Variants in CDC16 observed in about 807,000 individuals in gnomAD.
CDC16 encodes the protein cell division cycle protein 16 homolog.
CDC16 carries 34 observed loss-of-function variants against 87.0 expected under a neutral mutation model. The observed-to-expected ratio is 0.39, with a 90% confidence interval of 0.30 to 0.52. The LOEUF is 0.52. CDC16 is among the 20% of genes least tolerant of loss of function. The pLI is 0.74. For synonymous variants in CDC16, 263 were observed against 260.6 expected, an observed-to-expected ratio of 1.01 and a Z score of -0.09; for missense variants, 653 against 751.9, an observed-to-expected ratio of 0.87 and a Z score of 1.54.
intron 14 of CDC16, 34 bp downstream of exon 14, chr13:114,259,432 T>C (rs766801219): frequency 2.4e-6 from 3 of 1,227,388 alleles, no homozygotes; most frequent in East Asian, 2.6e-5. Context: ...TATACACATA[T>C]ACACCCCTGA....
At chr13:114,250,810 G>C in intron 12 of CDC16, 136 bp downstream of exon 12, 3 of 858,008 alleles carry the variant, frequency 3.5e-6, no homozygotes, top group Non-Finnish European at 5.3e-6. Flanking sequence ...CTAGTTGCTT[G>C]TGATTGTAAA....
In CDC16 at chr13:114,253,315, A is replaced by G. The variant is rs140721534; in HGVS notation, c.1097+2641A>G. On this transcript the variant is annotated intron_variant, in intron 12 of 17. Transcript: ENST00000356221. ...CTTCCACATATTTAAGAATTTCCCA[A>G]ATTTTCTTCTTTTGTTGTTTTTTAA... 3.3e-4 allele frequency among the ~76,000 whole-genome samples: 50 copies of G among 152,236 alleles called. No individual in the cohort carries two copies. The East Asian group carries it at 9.3e-3, about 28-fold the overall frequency.
intron 12 of CDC16, among the ~76,000 whole-genome samples, chr13:114,255,683 C>G (rs2082454741): frequency 6.6e-6 from 1 of 152,196 alleles, no homozygotes; most frequent in South Asian, 2.1e-4. Context: ...CACTCTCTTG[C>G]CCAGGCTGGA....
At chr13:114,250,761 T>G in intron 12 of CDC16, 87 bp downstream of exon 12, 1 of 1,317,224 alleles carries the variant, frequency 7.6e-7, no homozygotes. Context: ...TGCTATTTGG[T>G]TGCTAAACTA....
chr13:114,246,732 C>T (rs1487821718), intron 10 of CDC16, among the ~76,000 whole-genome samples, 199 bp from the exon 11 acceptor site: 5 of 152,222 alleles, frequency 3.3e-5, no homozygotes, highest in African/African-American at 7.2e-5. Context: ...CTTGTGTAGA[C>T]GTCTCCTTGA....
intron 8 of CDC16, 56 bp downstream of exon 8, chr13:114,244,045 A>G (rs1214109018): frequency 1.0e-5 from 13 of 1,274,990 alleles, no homozygotes; most frequent in African/African-American, 1.5e-5. Flanking sequence ...CATCTTACCT[A>G]GGTGATTCAC....
At chr13:114,235,179 T>G (rs561056333) in intron 1 of CDC16, 47 bp downstream of exon 1, 8 of 1,193,360 alleles carry the variant, frequency 6.7e-6, no homozygotes, top group Admixed American at 4.2e-5. Context: ...TCGCCGGGTC[T>G]TTTTCCGCGC....
chr13:114,249,538 AC>A (rs1377038802), intron 11 of CDC16, among the ~76,000 whole-genome samples: 3 of 151,784 alleles, frequency 2.0e-5, no homozygotes, highest in Admixed American at 2.0e-4. Context: ...GTAGGGTATC[AC>A]CCCCTATGTC....
intron 16 of CDC16, among the ~76,000 whole-genome samples, chr13:114,263,444 C>T (rs2082976306): frequency 6.6e-6 from 1 of 152,164 alleles, no homozygotes; most frequent in African/African-American, 2.4e-5. Context: ...TTTAAGACAC[C>T]ATGAGTAAGC....
chr13:114,254,466 T>C (rs9590500), intron 12 of CDC16, among the ~76,000 whole-genome samples: 1 of 151,982 alleles, frequency 6.6e-6, no homozygotes, highest in African/African-American at 2.4e-5. Flanking sequence ...TTAATACCAA[T>C]TTAATTTTAA....
At chr13:114,252,536 C>T (rs905192417) in intron 12 of CDC16, among the ~76,000 whole-genome samples, 47 of 152,272 alleles carry the variant, frequency 3.1e-4, no homozygotes, top group African/African-American at 1.1e-3. Context: ...CAGTCCAGGT[C>T]TCTCCATCCT....
intron 12 of CDC16, among the ~76,000 whole-genome samples, chr13:114,251,197 A>G (rs186329586): frequency 1.5e-4 from 23 of 152,226 alleles, no homozygotes; most frequent in Non-Finnish European, 3.1e-4. Flanking sequence ...GACTGCTTCT[A>G]TTGACTGATG....
chr13:114,243,943 C>G lies in CDC16; in HGVS notation c.721C>G (p.His241Asp). 6.2e-7 allele frequency: 1 copy of G among 1,605,394 alleles called. No homozygotes were observed. The highest frequency in any genetic ancestry group is 1.1e-5 in the South Asian group (1 of 90,840). ...TGTGGTAGTGTCTTTAGCTGAGAGA[C>G]ATTATTATAACTGTGATTTTAAAAT... The part of the protein sequence containing the change: ...LDVVVSLAER[H>D]YYNCDFKMCY... The change falls in exon 8 of 18, where the codon CAT (histidine) becomes GAT (aspartate). Residue 241 changes from histidine (H) to aspartate (D), a missense_variant. By Grantham distance (81) the His-to-Asp change is moderately conservative (BLOSUM62 -1). Coordinates refer to ENST00000356221, the MANE Select transcript of CDC16 (RefSeq NM_001078645.3).
intron 12 of CDC16, among the ~76,000 whole-genome samples, chr13:114,250,976 C>T (rs17338096): frequency 0.011 from 1,735 of 152,186 alleles, 95 homozygotes; most frequent in Admixed American, 0.08. Context: ...AAAATATTCA[C>T]GAGCAAAATT....
intron 11 of CDC16, 49 bp from the exon 12 acceptor site, chr13:114,250,491 CAAAAAAAAA>C: frequency 1.6e-6 from 2 of 1,244,054 alleles, no homozygotes. Flanking sequence ...GACTTTGTCT[CAAAAAAAAA>C]AAAAAAAGAA....
At chr13:114,261,438 CAG>C (rs1208829884) in intron 14 of CDC16, among the ~76,000 whole-genome samples, 1 of 151,910 alleles carries the variant, frequency 6.6e-6, no homozygotes, top group Non-Finnish European at 1.5e-5. Flanking sequence ...ATGGAAGGGT[CAG>C]AGGGGGTGGG....
At position 114,238,890 on chromosome 13, in the gene CDC16, A is replaced by G. The variant is rs936407629; in HGVS notation, c.202-100A>G. ...TTTTTAACTGCAAGAGTAAAAGGAG[A>G]AATTATGAAATTAGTTCTATTTTAT... On this transcript the variant is annotated intron_variant, in intron 3 of 17. Coordinates refer to ENST00000356221, the MANE Select transcript of CDC16 (RefSeq NM_001078645.3). 4.2e-6 allele frequency: 6 copies of G among 1,427,168 alleles called. No individual in the cohort carries two copies. In the Admixed American group the frequency reaches 7.5e-5, roughly 18 times the overall value. 88.4% of individuals were successfully genotyped at this position (1,427,168 alleles called of 1,614,324 possible). A position where few individuals can be genotyped will look rare whatever the true frequency, so the allele number is the denominator to read the frequency against.
intron 12 of CDC16, among the ~76,000 whole-genome samples, chr13:114,253,506 A>G (rs571151390): frequency 3.3e-5 from 5 of 152,166 alleles, no homozygotes; most frequent in African/African-American, 1.2e-4. Context: ...CCTGGCCAAT[A>G]TGGTGAAACC....
intron 12 of CDC16, among the ~76,000 whole-genome samples, chr13:114,256,400 A>G (rs1398677079): frequency 6.6e-6 from 1 of 152,246 alleles, no homozygotes; most frequent in Non-Finnish European, 1.5e-5. Flanking sequence ...TTAGAACCAA[A>G]GCACACACCA....
Sources: gnomAD v4.1 joint callset for allele counts (sites outside exome capture counted in the v4.1 genomes callset) on GRCh38, gnomAD v4.1.1 for gene constraint, MANE v1.5 for transcripts, NCBI Gene and HGNC (gene_info 2026-07-23, HGNC 2026-07-21) for gene names.